Variants in GSE1 observed in about 807,000 individuals in gnomAD.
GSE1 encodes genetic suppressor element 1.
In GSE1, 32 loss-of-function variants were observed where a neutral mutation model predicts 112.6. That is an observed-to-expected ratio of 0.28 (90% CI 0.21 to 0.38). The LOEUF is 0.38. GSE1 is among the 10% of genes least tolerant of loss of function. GSE1 has a pLI of 1.00. For missense variants in GSE1, 2,348 were observed against 1,699.2 expected (o/e 1.38, Z -6.71); for synonymous variants, 1,115 against 735.6 (o/e 1.52, Z -8.35).
chr16:85,587,116 G>A (rs1026175783), intron 1 of GSE1, among the ~76,000 whole-genome samples: 3 of 151,880 alleles, frequency 2.0e-5, no homozygotes, highest in African/African-American at 4.8e-5. Context: ...GGCCTCTGGC[G>A]GGAGGGTACA....
At chr16:85,320,348 CAGG>C (rs1290886135) in intron 1 of GSE1, among the ~76,000 whole-genome samples, 1 of 152,234 alleles carries the variant, frequency 6.6e-6, no homozygotes, top group Non-Finnish European at 1.5e-5. Context: ...CCTCTGAGGC[CAGG>C]AGGTGTGTGG....
At chr16:85,186,605 G>GAA (rs758525570) in intron 1 of GSE1, among the ~76,000 whole-genome samples, 4 of 122,992 alleles carry the variant, frequency 3.3e-5, no homozygotes, top group Non-Finnish European at 1.7e-5. Context: ...TCTGTCTCAA[G>GAA]AAAAAAAAAA....
At position 85,179,781 on chromosome 16, in the gene GSE1, T is replaced by G. The variant is rs115690147; in HGVS notation, c.2283+7974T>G. 8.5e-3 allele frequency among the ~76,000 whole-genome samples: 1,289 copies of G among 152,226 alleles called. 19 individuals carry two copies. The highest frequency in any genetic ancestry group is 0.029 in the African/African-American group (1,185 of 41,528). On this transcript the variant is annotated intron_variant, in intron 1 of 2. Transcript: ENST00000637419. ...AGCTGTACTAAGAATTGAGAAGGGGTTTGCATTGGCTCTGGGGGCTTTTGC... is the reference window on the plus strand; with the variant it reads ...AGCTGTACTAAGAATTGAGAAGGGGGTTGCATTGGCTCTGGGGGCTTTTGC...
At chr16:85,430,203 G>C (rs1340680437) in intron 2 of GSE1, among the ~76,000 whole-genome samples, 1 of 152,176 alleles carries the variant, frequency 6.6e-6, no homozygotes, top group African/African-American at 2.4e-5. Context: ...CAACCTCATG[G>C]GTCATGAAGC....
intron 1 of GSE1, among the ~76,000 whole-genome samples, chr16:85,213,933 G>A (rs770974019): frequency 3.3e-5 from 5 of 152,210 alleles, no homozygotes; most frequent in Non-Finnish European, 7.3e-5. Context: ...AGTCCTCCCC[G>A]CAGAGATTTT....
intron 2 of GSE1, among the ~76,000 whole-genome samples, chr16:85,427,687 CTGGGCG>C (rs1249647874): frequency 1.3e-5 from 2 of 151,842 alleles, no homozygotes; most frequent in Non-Finnish European, 2.9e-5. Flanking sequence ...CAAAAATTAG[CTGGGCG>C]TGGTGGCATG....
At chr16:85,574,835 G>A (rs542913894) in intron 1 of GSE1, among the ~76,000 whole-genome samples, 1 of 152,206 alleles carries the variant, frequency 6.6e-6, no homozygotes, top group African/African-American at 2.4e-5. Context: ...CATCGGTCAC[G>A]GACCCTTGGG....
At chr16:85,422,138 T>C (rs2048859590) in intron 2 of GSE1, among the ~76,000 whole-genome samples, 2 of 150,760 alleles carry the variant, frequency 1.3e-5, no homozygotes, top group African/African-American at 4.9e-5. Flanking sequence ...TGTGCCCGGG[T>C]CATCCTCGCA....
chr16:85,481,988 C>T lies in GSE1; in HGVS notation c.2464+124345C>T, dbSNP rs568100005. On this transcript the variant is annotated intron_variant, in intron 2 of 2. Transcript: ENST00000637419. ...CTGGGGGCAGGGTGGCCGATGCCCT[C>T]GCCGGGACTACGCCCCTTGCAGGCG... 5.2e-5 allele frequency among the ~76,000 whole-genome samples: 8 copies of T among 152,388 alleles called. No individual in the cohort carries two copies. The South Asian group carries it at 8.3e-4, about 16-fold the overall frequency.
chr16:85,526,861 G>C lies in GSE1; in HGVS notation c.2465-107053G>C, dbSNP rs576727115. Among the ~76,000 whole-genome samples, 51 of 152,378 alleles carry C rather than the reference G, an allele frequency of 3.3e-4. 1 individual carries two copies. The highest frequency in any genetic ancestry group is 1.5e-4 in the Non-Finnish European group (10 of 68,038). On this transcript the variant is annotated intron_variant, in intron 2 of 2. Coordinates refer to the GSE1 transcript ENST00000637419. ...AGGTCACCATTTGTTCCAGGGAGCT[G>C]CTAGTGTATAAAGAACTAAACATGG...
chr16:85,246,790 C>A (rs996536536), intron 1 of GSE1, among the ~76,000 whole-genome samples: 41 of 152,238 alleles, frequency 2.7e-4, no homozygotes, highest in African/African-American at 7.7e-4. Flanking sequence ...GAGCCTCCCC[C>A]CTGGATGTCT....
intron 2 of GSE1, among the ~76,000 whole-genome samples, chr16:85,399,136 G>A (rs564487689): frequency 8.9e-4 from 135 of 152,284 alleles, no homozygotes; most frequent in Middle Eastern, 3.4e-3. Flanking sequence ...GCACATACAC[G>A]TGGCTTGTGT....
upstream of GSE1, among the ~76,000 whole-genome samples, chr16:85,553,072 A>T (rs867515180): frequency 2.0e-4 from 31 of 151,684 alleles, no homozygotes; most frequent in Middle Eastern, 3.4e-3. Context: ...CCCAAGTAAG[A>T]TGGGAGATTT....
chr16:85,600,997 T>G (rs748098620), intron 1 of GSE1, among the ~76,000 whole-genome samples: 135 of 148,118 alleles, frequency 9.1e-4, no homozygotes, highest in Middle Eastern at 3.4e-3. Context: ...AAGGTCGGCT[T>G]CCACCAGTGG....
intron 1 of GSE1, among the ~76,000 whole-genome samples, chr16:85,579,651 G>A (rs1005310423): frequency 1.3e-5 from 2 of 152,142 alleles, no homozygotes; most frequent in Non-Finnish European, 2.9e-5. Context: ...TTTTTGGTGC[G>A]GCCTCCCGTC....
In GSE1 at chr16:85,661,452, C is replaced by T. The variant is rs780402157; in HGVS notation, c.1947C>T (p.Tyr649=). 6 of 1,611,508 alleles carry T rather than the reference C, an allele frequency of 3.7e-6. No homozygotes were observed. The highest frequency in any genetic ancestry group is 1.7e-5 in the Admixed American group (1 of 59,988). The stretch of plus-strand genomic sequence containing the variant: ...GTGAGCCTGCCCCTCTGGACAAGTA[C>T]CAGCCACCTCCGCCGCCACCACGAG... ...RKREPAPLDK[Y]QPPPPPPREG... is the part of the protein sequence containing the mutation. Residue 649 remains tyrosine, a synonymous_variant, in exon 9 of 16, where the codon TAC becomes TAT. Coordinates refer to ENST00000253458, the MANE Select transcript of GSE1 (RefSeq NM_014615.5).
chr16:85,223,624 T>G (rs1215622712), intron 1 of GSE1, among the ~76,000 whole-genome samples: 1 of 152,028 alleles, frequency 6.6e-6, no homozygotes, highest in Non-Finnish European at 1.5e-5. Context: ...GTATTTATTT[T>G]TAGACAGTCT....
rs141118454 is a variant in GSE1, at chr16:85,200,449, A to G, written c.2283+28642A>G. 1.5e-4 allele frequency among the ~76,000 whole-genome samples: 23 copies of G among 151,956 alleles called. 1 individual carries two copies. Among genetic ancestry groups the G allele is most frequent in the Admixed American group, 9.8e-4 (15 of 15,284 alleles). Reference sequence around the variant, plus strand: ...GAAGGAAGCTTTGCTTAGAGAGGTCATGTGGTTTCCCCCACGTCACACAGC... The same window carrying G: ...GAAGGAAGCTTTGCTTAGAGAGGTCGTGTGGTTTCCCCCACGTCACACAGC... On this transcript the variant is annotated intron_variant, in intron 1 of 2. Coordinates refer to the GSE1 transcript ENST00000637419.
chr16:85,182,818 G>A (rs947081434), intron 1 of GSE1, among the ~76,000 whole-genome samples: 1 of 151,986 alleles, frequency 6.6e-6, no homozygotes, highest in Non-Finnish European at 1.5e-5. Flanking sequence ...AGCCCCTCCT[G>A]CCCCAGCATC....
Sources: gnomAD v4.1 joint callset for allele counts (sites outside exome capture counted in the v4.1 genomes callset) on GRCh38, gnomAD v4.1.1 for gene constraint, MANE v1.5 for transcripts, NCBI Gene and HGNC (gene_info 2026-07-23, HGNC 2026-07-21) for gene names.